BICC1: variants seen among roughly 807,000 people sequenced by gnomAD.
BICC1 encodes the protein protein bicaudal C homolog 1.
BICC1 carries 43 observed loss-of-function variants against 111.0 expected under a neutral mutation model. That is an observed-to-expected ratio of 0.39 (90% CI 0.30 to 0.50). The LOEUF is 0.50. BICC1 is among the 20% of genes least tolerant of loss of function. BICC1 has a pLI of 0.88. For synonymous variants in BICC1, 467 were observed against 434.4 expected (o/e 1.07, Z -0.93); for missense variants, 1,091 against 1,203.2 (o/e 0.91, Z 1.38).
chr10:58,611,060 C>T (rs1442454683), intron 1 of BICC1, among the ~76,000 whole-genome samples: 2 of 152,340 alleles, frequency 1.3e-5, no homozygotes, highest in South Asian at 2.1e-4. Flanking sequence ...TCTCCTTAGG[C>T]AGCTTATATC....
rs867952339 is a variant in BICC1 at position 58,512,895 on chromosome 10, G to C, written c.-249G>C. Among the ~76,000 whole-genome samples the C allele has an allele frequency of 6.8e-6, 1 of 147,482 alleles. No individual in the cohort carries two copies. Among genetic ancestry groups the C allele is most frequent in the Non-Finnish European group, 1.5e-5 (1 of 66,226 alleles). ...TCATTCCGCGCGGGCGTTGCTGGCG[G>C]GGGGCGGCGCAGCCACTGGACCCGG... On this transcript the variant is annotated 5_prime_UTR_variant, in exon 1 of 21. Transcript: ENST00000373886.
At position 58,513,100 on chromosome 10, in the gene BICC1, C is replaced by T. The variant is rs904086737; in HGVS notation, c.-44C>T. 1.5e-6 allele frequency: 2 copies of T among 1,329,332 alleles called. No homozygotes were observed. Among genetic ancestry groups the T allele is most frequent in the East Asian group, 3.1e-5 (1 of 31,770 alleles). The allele number at this position is 1,329,332 out of a possible 1,614,324, so 82.3% of individuals were successfully genotyped here. ...CGGCGAGCGGAGGCGGCAGCGCAGG[C>T]AGAGCGGCGGCGGCAGCGGGAGCCC... is the stretch of plus-strand genomic sequence containing the variant. On this transcript the variant is annotated 5_prime_UTR_variant, in exon 1 of 21. Coordinates refer to ENST00000373886, the MANE Select transcript of BICC1 (RefSeq NM_001080512.3).
intron 1 of BICC1, among the ~76,000 whole-genome samples, chr10:58,552,290 T>C (rs2131918542): frequency 6.6e-6 from 1 of 152,232 alleles, no homozygotes; most frequent in South Asian, 2.1e-4. Flanking sequence ...GTTGATATTT[T>C]CAAACTGTAA....
rs536059851 is a variant in BICC1, at chr10:58,636,257, A to C, written c.237+15356A>C. Among the ~76,000 whole-genome samples, 86 of 152,316 alleles carry C rather than the reference A, an allele frequency of 5.6e-4. 4 individuals are homozygous for C. In the South Asian group the frequency reaches 0.017, roughly 30 times the overall value. On this transcript the variant is annotated intron_variant, in intron 2 of 20. Transcript: ENST00000373886. ...AGTCATATGACTAGCCATTTGTTGA[A>C]TCTGGGGAGAAAACCCAATTCAACA...
Position 58,513,241 on chromosome 10 carries a change from A to T in BICC1, c.98A>T (p.Asp33Val), listed in dbSNP as rs533878338. 4 of 1,612,932 alleles carry T rather than the reference A, an allele frequency of 2.5e-6. No homozygotes were observed. The South Asian group carries it at 4.4e-5, about 18-fold the overall frequency. Reference sequence around the variant, plus strand: ...GACTCCCCAGTGCCCGGCTCCGAGGACGACTTGGTCGCCGGGGCGACCCTG... The same window carrying T: ...GACTCCCCAGTGCCCGGCTCCGAGGTCGACTTGGTCGCCGGGGCGACCCTG... ...STDSPVPGSE[D>V]DLVAGATLHS... The change falls in exon 1 of 21, where the codon GAC (aspartate) becomes GTC (valine). Residue 33 changes from aspartate (D) to valine (V), a missense_variant. Transcript: ENST00000373886.
chr10:58,811,005 T>C (rs1344984457), intron 17 of BICC1, among the ~76,000 whole-genome samples: 1 of 152,134 alleles, frequency 6.6e-6, no homozygotes, highest in Admixed American at 6.6e-5. Flanking sequence ...GTATTCAATA[T>C]TATTGAGAAG....
At chr10:58,531,675 CTG>C (rs1842685821) in intron 1 of BICC1, among the ~76,000 whole-genome samples, 1 of 151,380 alleles carries the variant, frequency 6.6e-6, no homozygotes, top group Admixed American at 6.6e-5. Flanking sequence ...TACAATGAAA[CTG>C]TGAATAAAAT....
At chr10:58,614,712 A>G (rs143664512) in intron 1 of BICC1, among the ~76,000 whole-genome samples, 1 of 152,260 alleles carries the variant, frequency 6.6e-6, no homozygotes, top group African/African-American at 2.4e-5. Context: ...TGGACTTGGA[A>G]TGAAGGGGCA....
chr10:58,828,626 T>G (rs1307867455), intron 20 of BICC1, 135 bp from the exon 21 acceptor site: 5 of 836,416 alleles, frequency 6.0e-6, no homozygotes, highest in Non-Finnish European at 9.0e-6. Context: ...CAACTAAAAG[T>G]TTTCCTTTTG....
chr10:58,823,302 A>G (rs1336309310), intron 20 of BICC1: 1 of 985,164 alleles, frequency 1.0e-6, no homozygotes, highest in Non-Finnish European at 1.2e-6. Context: ...TTCAAAGAAA[A>G]AGGTTGGTAT....
rs543790666 is a variant in BICC1, at chr10:58,560,068, A to G, written c.190+46735A>G. Among the ~76,000 whole-genome samples, 4 of 151,740 alleles carry G rather than the reference A, an allele frequency of 2.6e-5. No homozygotes were observed. In the South Asian group the frequency reaches 8.3e-4, roughly 32 times the overall value. On this transcript the variant is annotated intron_variant, in intron 1 of 20. Coordinates refer to ENST00000373886, the MANE Select transcript of BICC1 (RefSeq NM_001080512.3). ...TTTGTCTCGCTTTGGTATTAGGGTA[A>G]TGCTGGCCTCATAGAATGAGTTAGG...
chr10:58,596,331 A>G (rs1844811575), intron 1 of BICC1, among the ~76,000 whole-genome samples: 1 of 152,232 alleles, frequency 6.6e-6, no homozygotes, highest in South Asian at 2.1e-4. Context: ...ACCTCAATAG[A>G]TGCAGAAAAG....
chr10:58,800,766 G>A, intron 13 of BICC1, 124 bp from the exon 14 acceptor site: 1 of 940,422 alleles, frequency 1.1e-6, no homozygotes, highest in East Asian at 2.7e-5. Flanking sequence ...AGATGGAAGA[G>A]GTCTCTGTCA....
chr10:58,793,038 G>A (rs1291100555), intron 8 of BICC1, among the ~76,000 whole-genome samples: 1 of 152,132 alleles, frequency 6.6e-6, no homozygotes, highest in Non-Finnish European at 1.5e-5. Context: ...AAGCAAGTCT[G>A]GGCTAAAATG....
At chr10:58,825,753 A>G (rs1019292201) in intron 20 of BICC1, among the ~76,000 whole-genome samples, 2 of 152,224 alleles carry the variant, frequency 1.3e-5, no homozygotes, top group Admixed American at 1.3e-4. Context: ...TAAGTTGCAT[A>G]TAACAGTTAC....
At position 58,746,023 on chromosome 10, in the gene BICC1, G is replaced by A. The variant is rs78603611; in HGVS notation, c.308-38978G>A. Among the ~76,000 whole-genome samples the A allele has an allele frequency of 6.3e-3, 965 of 152,174 alleles. 4 individuals are homozygous for A. The highest frequency in any genetic ancestry group is 9.4e-3 in the Admixed American group (144 of 15,248). On this transcript the variant is annotated intron_variant, in intron 3 of 20. Coordinates refer to ENST00000373886, the MANE Select transcript of BICC1 (RefSeq NM_001080512.3). ...TGAGAGAGGTTGAAGGAAGGGAGAA[G>A]TAGGAAGAATTATGTCCTGGTATTA...
chr10:58,598,234 A>G (rs1425457838), intron 1 of BICC1, among the ~76,000 whole-genome samples: 1 of 152,178 alleles, frequency 6.6e-6, no homozygotes, highest in Non-Finnish European at 1.5e-5. Context: ...ATCTGGAGGC[A>G]TCACGCTACC....
chr10:58,522,877 C>T (rs1488129373), intron 1 of BICC1, among the ~76,000 whole-genome samples: 2 of 151,700 alleles, frequency 1.3e-5, no homozygotes, highest in African/African-American at 4.8e-5. Context: ...GGGATATCAC[C>T]ATCGATCCCA....
chr10:58,581,645 GTGTC>G (rs1162675409), intron 1 of BICC1, among the ~76,000 whole-genome samples: 2 of 152,068 alleles, frequency 1.3e-5, no homozygotes, highest in Non-Finnish European at 2.9e-5. Context: ...AACGATCCAC[GTGTC>G]TGTGGTCAGA....
Sources: gnomAD v4.1 joint callset for allele counts (sites outside exome capture counted in the v4.1 genomes callset) on GRCh38, gnomAD v4.1.1 for gene constraint, MANE v1.5 for transcripts, NCBI Gene and HGNC (gene_info 2026-07-23, HGNC 2026-07-21) for gene names.